TUSC3: variants seen among roughly 807,000 people sequenced by gnomAD.
TUSC3 encodes tumor suppressor candidate 3, also known as dolichyl-diphosphooligosaccharide--protein glycosyltransferase subunit TUSC3.
TUSC3 carries 45 observed loss-of-function variants against 44.8 expected under a neutral mutation model. The observed-to-expected ratio is 1.00, with a 90% CI of 0.79 to 1.29. TUSC3 has a LOEUF of 1.29. TUSC3 is among the 50% of genes most tolerant of loss of function. The pLI is 0.00. For missense variants in TUSC3, 519 were observed against 437.9 expected, an observed-to-expected ratio of 1.19 and a Z score of -1.65; for synonymous variants, 212 against 152.9, an observed-to-expected ratio of 1.39 and a Z score of -2.85.
the TUSC3 span, among the ~76,000 whole-genome samples, chr8:15,816,023 T>C: frequency 3.3e-5 from 5 of 152,172 alleles, no homozygotes; most frequent in East Asian, 9.6e-4. Flanking sequence ...CTAGATATAT[T>C]AAATCCAAAT....
chr8:15,440,459 A>G (rs951177258), intron 1 of TUSC3, among the ~76,000 whole-genome samples: 1 of 152,232 alleles, frequency 6.6e-6, no homozygotes. Flanking sequence ...GATTTAAAGC[A>G]GAGAATAACA....
chr8:15,573,230 A>ATATATATATATATATATATAT (rs1491232177), intron 1 of TUSC3, among the ~76,000 whole-genome samples: 3 of 106,128 alleles, frequency 2.8e-5, no homozygotes, highest in African/African-American at 1.2e-4. Flanking sequence ...ATATATATAT[A>ATATATATATATATATATATAT]AAAGTTTTTT....
chr8:15,523,211 C>T (rs568396283), intron 2 of TUSC3, among the ~76,000 whole-genome samples: 8 of 152,054 alleles, frequency 5.3e-5, no homozygotes, highest in South Asian at 2.1e-4. Flanking sequence ...TGAGTGAGAT[C>T]GTCTGAGTTG....
chr8:15,472,507 A>G (rs1800507745), intron 1 of TUSC3, among the ~76,000 whole-genome samples: 1 of 152,168 alleles, frequency 6.6e-6, no homozygotes, highest in African/African-American at 2.4e-5. Flanking sequence ...ATTATGTTCA[A>G]AGCAGTTTAA....
chr8:15,799,448 G>C, the TUSC3 span, among the ~76,000 whole-genome samples: 3 of 152,132 alleles, frequency 2.0e-5, no homozygotes, highest in South Asian at 6.2e-4. Flanking sequence ...TTGACCACCA[G>C]TTTCTCAAGG....
At chr8:15,697,718 G>T (rs1334479256) in intron 6 of TUSC3, among the ~76,000 whole-genome samples, 4 of 152,146 alleles carry the variant, frequency 2.6e-5, no homozygotes, top group African/African-American at 9.7e-5. Flanking sequence ...AATGCTGCCT[G>T]TGTTTTCCTA....
intron 6 of TUSC3, among the ~76,000 whole-genome samples, chr8:15,674,800 G>C (rs532883274): frequency 2.6e-5 from 4 of 151,960 alleles, no homozygotes; most frequent in African/African-American, 9.6e-5. Context: ...TTAAAATCTG[G>C]CATTATTTAG....
the TUSC3 span, among the ~76,000 whole-genome samples, chr8:15,836,088 C>T: frequency 0.13 from 19,451 of 151,838 alleles, 1,360 homozygotes; most frequent in East Asian, 0.25. Flanking sequence ...TGTTTTCTTT[C>T]TGTTTGCATT....
intron 3 of TUSC3, among the ~76,000 whole-genome samples, chr8:15,651,396 T>G (rs1806897495): frequency 6.6e-6 from 1 of 152,200 alleles, no homozygotes; most frequent in Admixed American, 6.5e-5. Context: ...TTTCTCTCTG[T>G]TTATGGACTG....
chr8:15,818,665 T>A, the TUSC3 span, among the ~76,000 whole-genome samples: 1 of 152,232 alleles, frequency 6.6e-6, no homozygotes, highest in African/African-American at 2.4e-5. Flanking sequence ...TTTCACTTTT[T>A]AAATTTTTAC....
chr8:15,746,893 C>T (rs1811440988), intron 8 of TUSC3, among the ~76,000 whole-genome samples: 1 of 151,986 alleles, frequency 6.6e-6, no homozygotes, highest in Non-Finnish European at 1.5e-5. Context: ...ATGTGTCATA[C>T]AGGGATATTC....
intron 7 of TUSC3, among the ~76,000 whole-genome samples, chr8:15,735,339 G>C (rs1382542302): frequency 6.6e-6 from 1 of 152,192 alleles, no homozygotes; most frequent in Non-Finnish European, 1.5e-5. Context: ...ACAGGAATCA[G>C]AGATGATTCT....
chr8:15,656,717 GGCCCT>G (rs1248509521), intron 3 of TUSC3, among the ~76,000 whole-genome samples: 1 of 152,208 alleles, frequency 6.6e-6, no homozygotes, highest in Non-Finnish European at 1.5e-5. Flanking sequence ...TTTCAGCAGA[GGCCCT>G]GCTGCTGTAG....
intron 6 of TUSC3, among the ~76,000 whole-genome samples, chr8:15,710,767 A>T (rs375471150): frequency 3.3e-5 from 5 of 150,462 alleles, no homozygotes; most frequent in African/African-American, 1.2e-4. Context: ...GCAGCTTAGT[A>T]ATTTGCATGA....
the TUSC3 span, among the ~76,000 whole-genome samples, chr8:15,795,580 G>C: frequency 2.0e-5 from 3 of 152,172 alleles, no homozygotes; most frequent in African/African-American, 7.2e-5. Flanking sequence ...ATGACCACCA[G>C]AAGGTATGAG....
chr8:15,667,798 C>A (rs764755912), intron 5 of TUSC3, among the ~76,000 whole-genome samples: 4 of 151,476 alleles, frequency 2.6e-5, no homozygotes, highest in African/African-American at 4.8e-5. Flanking sequence ...AAATGTTTTC[C>A]CCAAACCAAA....
At chr8:15,846,356 A>G in the TUSC3 span, among the ~76,000 whole-genome samples, 1 of 152,212 alleles carries the variant, frequency 6.6e-6, no homozygotes, top group Non-Finnish European at 1.5e-5. Context: ...AGTAGAACCC[A>G]TTACTGCTAC....
intron 5 of TUSC3, among the ~76,000 whole-genome samples, chr8:15,671,090 T>C (rs1807928521): frequency 6.6e-6 from 1 of 151,950 alleles, no homozygotes; most frequent in Non-Finnish European, 1.5e-5. Context: ...TTATTTGGAA[T>C]ATAAATTTTG....
At chr8:15,513,171 A>T (rs1360986657) in intron 2 of TUSC3, among the ~76,000 whole-genome samples, 2 of 151,960 alleles carry the variant, frequency 1.3e-5, no homozygotes, top group South Asian at 2.1e-4. Flanking sequence ...AAAATTGATT[A>T]TGATAAATAT....
Sources: gnomAD v4.1 joint callset for allele counts (sites outside exome capture counted in the v4.1 genomes callset) on GRCh38, gnomAD v4.1.1 for gene constraint, MANE v1.5 for transcripts, NCBI Gene and HGNC (gene_info 2026-07-23, HGNC 2026-07-21) for gene names.